Variants in DPP10 observed in about 807,000 individuals in gnomAD.
DPP10 encodes dipeptidyl peptidase like 10.
In DPP10, 33 loss-of-function variants were observed where a neutral mutation model predicts 120.9. The observed-to-expected ratio is 0.27, with a 90% confidence interval of 0.21 to 0.37. The LOEUF (loss-of-function observed/expected upper bound fraction) is 0.37. DPP10 is among the 10% of genes least tolerant of loss of function. DPP10 has a pLI of 1.00. For synonymous variants in DPP10, 337 were observed against 326.1 expected, an observed-to-expected ratio of 1.03 and a Z score of -0.36; for missense variants, 816 against 942.8, an observed-to-expected ratio of 0.87 and a Z score of 1.76.
rs116508014 is a variant in DPP10, at chr2:115,812,273, G to T, written c.1701-2520G>T. Among the ~76,000 whole-genome samples, 810 of 152,260 alleles carry T rather than the reference G, an allele frequency of 5.3e-3. 10 individuals carry two copies. The highest frequency in any genetic ancestry group is 0.019 in the African/African-American group (780 of 41,570). On this transcript the variant is annotated intron_variant, in intron 19 of 25. Coordinates refer to ENST00000410059, the MANE Select transcript of DPP10 (RefSeq NM_020868.6). ...GCAATAAATCCACAAGCTTCAAAAT[G>T]CAGTATCTTTATGTAAACTCAAGTC... is the stretch of plus-strand genomic sequence containing the variant.
intron 1 of DPP10, among the ~76,000 whole-genome samples, chr2:114,808,534 G>A (rs1028359781): frequency 5.3e-5 from 8 of 150,826 alleles, no homozygotes; most frequent in Admixed American, 4.6e-4. Context: ...TGAGATTTTC[G>A]GAATCTAACT....
chr2:115,354,383 A>G (rs756161529), intron 3 of DPP10, among the ~76,000 whole-genome samples: 4 of 151,836 alleles, frequency 2.6e-5, no homozygotes, highest in South Asian at 2.1e-4. Flanking sequence ...CTTTATGTCT[A>G]TGGGTACCCA....
At chr2:115,406,712 TAAAA>T (rs1449715133) in intron 3 of DPP10, among the ~76,000 whole-genome samples, 2 of 151,962 alleles carry the variant, frequency 1.3e-5, no homozygotes, top group Non-Finnish European at 2.9e-5. Context: ...ATCTTTTAAT[TAAAA>T]AAAGGTCAAC....
intron 1 of DPP10, among the ~76,000 whole-genome samples, chr2:114,981,371 T>C (rs2104857350): frequency 1.3e-5 from 2 of 152,244 alleles, no homozygotes; most frequent in South Asian, 4.1e-4. Context: ...GAAAAATGTA[T>C]CTTTTACCGA....
chr2:114,679,604 G>A (rs1698892383), intron 1 of DPP10, among the ~76,000 whole-genome samples: 1 of 151,934 alleles, frequency 6.6e-6, no homozygotes, highest in South Asian at 2.1e-4. Context: ...TCATACAGCT[G>A]CCCCACATGC....
chr2:115,223,404 G>A (rs558932127), intron 1 of DPP10, among the ~76,000 whole-genome samples: 39 of 152,214 alleles, frequency 2.6e-4, no homozygotes, highest in African/African-American at 8.9e-4. Context: ...GCTTTGGCAA[G>A]TAATTTAAAT....
intron 1 of DPP10, among the ~76,000 whole-genome samples, chr2:114,816,068 C>G (rs1473107418): frequency 2.0e-5 from 3 of 152,108 alleles, no homozygotes; most frequent in Admixed American, 1.3e-4. Context: ...CTTCACTCCC[C>G]GTGTAGAATA....
intron 8 of DPP10, among the ~76,000 whole-genome samples, chr2:115,738,511 G>C (rs955168945): frequency 1.3e-5 from 2 of 152,040 alleles, no homozygotes; most frequent in East Asian, 3.9e-4. Flanking sequence ...TCATAGGACA[G>C]GCATTACAAG....
chr2:114,851,904 A>G (rs1298601982), intron 1 of DPP10, among the ~76,000 whole-genome samples: 1 of 152,072 alleles, frequency 6.6e-6, no homozygotes, highest in African/African-American at 2.4e-5. Flanking sequence ...CTAATTCATT[A>G]TCTTTATTTC....
chr2:115,115,685 C>G lies in DPP10; in HGVS notation c.61-193554C>G, dbSNP rs139164094. 3.9e-3 allele frequency among the ~76,000 whole-genome samples: 600 copies of G among 152,264 alleles called. 10 individuals are homozygous for G. Among genetic ancestry groups the G allele is most frequent in the Admixed American group, 0.029 (441 of 15,286 alleles). Reference sequence around the variant, plus strand: ...AAGTGGCATTTATCTCTGAAACGTACCGCATGGCATTTTTAAGTTAGATGA... The same window carrying G: ...AAGTGGCATTTATCTCTGAAACGTAGCGCATGGCATTTTTAAGTTAGATGA... On this transcript the variant is annotated intron_variant, in intron 1 of 25. Transcript: ENST00000410059.
chr2:115,309,267 G>C lies in DPP10; in HGVS notation c.89G>C (p.Arg30Thr). 1 of 1,613,374 alleles carries C rather than the reference G, an allele frequency of 6.2e-7. No homozygotes were observed. The highest frequency in any genetic ancestry group is 8.5e-7 in the Non-Finnish European group (1 of 1,179,570). ...CTGGGAAGTAACAGCCCTCCACAGA[G>C]AAACTGGAAGGGAATTGCTATTGCT... ...KELGSNSPPQ[R>T]NWKGIAIALL... is the part of the protein sequence containing the mutation. Residue 30 changes from arginine to threonine, a missense_variant, in exon 2 of 26, where the codon AGA becomes ACA. Transcript: ENST00000410059.
At chr2:115,592,600 AC>A (rs2082733672) in intron 5 of DPP10, among the ~76,000 whole-genome samples, 1 of 132,740 alleles carries the variant, frequency 7.5e-6, no homozygotes, top group Non-Finnish European at 1.6e-5. Flanking sequence ...AAAAAAAAAA[AC>A]AAAAATTAGC....
At position 114,560,012 on chromosome 2, in the gene DPP10, C is replaced by T. The variant is rs563085159; in HGVS notation, c.60+117174C>T. Among the ~76,000 whole-genome samples the T allele has an allele frequency of 9.2e-5, 14 of 152,018 alleles. No homozygotes were observed. In the South Asian group the frequency reaches 2.9e-3, roughly 32 times the overall value. On this transcript the variant is annotated intron_variant, in intron 1 of 25. Coordinates refer to ENST00000410059, the MANE Select transcript of DPP10 (RefSeq NM_020868.6). ...GGAGCTTCTCCAAGCCTGTACTTGC[C>T]TTCTATGCCATATGCAAATGCTGTA... is the stretch of plus-strand genomic sequence containing the variant.
At chr2:115,402,166 A>G (rs1219862022) in intron 3 of DPP10, among the ~76,000 whole-genome samples, 2 of 152,174 alleles carry the variant, frequency 1.3e-5, no homozygotes, top group African/African-American at 2.4e-5. Flanking sequence ...AGGCCAACAC[A>G]GTACCATACA....
chr2:115,808,121 C>T (rs377640456), intron 19 of DPP10, among the ~76,000 whole-genome samples: 4 of 152,238 alleles, frequency 2.6e-5, no homozygotes, highest in Non-Finnish European at 4.4e-5. Flanking sequence ...GACACGTGTT[C>T]GAGAGATACA....
intron 1 of DPP10, among the ~76,000 whole-genome samples, chr2:114,558,794 C>A (rs922149468): frequency 2.3e-4 from 35 of 152,314 alleles, no homozygotes; most frequent in Middle Eastern, 3.4e-3. Flanking sequence ...TCCTCCCATG[C>A]TATAAGCATC....
intron 3 of DPP10, among the ~76,000 whole-genome samples, chr2:115,473,343 C>T (rs2074855761): frequency 6.6e-6 from 1 of 152,150 alleles, no homozygotes; most frequent in South Asian, 2.1e-4. Context: ...CAAGCTGGGA[C>T]AGTTCCTTAA....
At chr2:114,886,293 T>TA (rs752735083) in intron 1 of DPP10, among the ~76,000 whole-genome samples, 11 of 152,166 alleles carry the variant, frequency 7.2e-5, no homozygotes, top group Non-Finnish European at 1.0e-4. Context: ...ACATTTCAAG[T>TA]AAAAAACAGG....
chr2:114,939,153 TAAG>T (rs1424068276), intron 1 of DPP10, among the ~76,000 whole-genome samples: 6 of 152,000 alleles, frequency 3.9e-5, no homozygotes, highest in Non-Finnish European at 4.4e-5. Context: ...AAGACAGTTA[TAAG>T]AAGAAGAAAA....
Sources: gnomAD v4.1 joint callset for allele counts (sites outside exome capture counted in the v4.1 genomes callset) on GRCh38, gnomAD v4.1.1 for gene constraint, MANE v1.5 for transcripts, NCBI Gene and HGNC (gene_info 2026-07-23, HGNC 2026-07-21) for gene names.